CDH4: variants seen among roughly 807,000 people sequenced by gnomAD.
The protein encoded by CDH4 is cadherin-4.
CDH4 carries 33 observed loss-of-function variants against 86.0 expected under a neutral mutation model. The observed-to-expected ratio is 0.38, with a 90% CI of 0.29 to 0.51. The LOEUF is 0.51. Among genes scored for constraint, CDH4 ranks in the 20% least tolerant of loss-of-function variants. The pLI is 0.86. For synonymous variants in CDH4, 555 were observed against 549.4 expected, an observed-to-expected ratio of 1.01 and a Z score of -0.14; for missense variants, 1,114 against 1,307.4, an observed-to-expected ratio of 0.85 and a Z score of 2.28.
At chr20:61,648,840 C>G (rs2087092098) in intron 2 of CDH4, among the ~76,000 whole-genome samples, 1 of 152,152 alleles carries the variant, frequency 6.6e-6, no homozygotes, top group Admixed American at 6.5e-5. Flanking sequence ...GTGCTTAGAA[C>G]AGTGTCTGGC....
At chr20:61,880,899 G>A (rs1418652140) in intron 7 of CDH4, among the ~76,000 whole-genome samples, 1 of 152,240 alleles carries the variant, frequency 6.6e-6, no homozygotes, top group Non-Finnish European at 1.5e-5. Flanking sequence ...GTGAGTTAGA[G>A]TGAGGGCCCC....
chr20:61,581,616 C>T lies in CDH4; in HGVS notation c.170-161947C>T, dbSNP rs189868330. Among the ~76,000 whole-genome samples, 26 of 152,214 alleles carry T rather than the reference C, an allele frequency of 1.7e-4. No homozygotes were observed. The East Asian group carries it at 4.7e-3, about 27-fold the overall frequency. ...CGAAGTCACACCTCCTCCTCGGACCCGCCCTGCTTCCTCCCTCCTGTAAGG... is the reference window on the plus strand; with the variant it reads ...CGAAGTCACACCTCCTCCTCGGACCTGCCCTGCTTCCTCCCTCCTGTAAGG... On this transcript the variant is annotated intron_variant, in intron 2 of 15. Coordinates refer to ENST00000614565, the MANE Select transcript of CDH4 (RefSeq NM_001794.5).
chr20:61,796,677 T>G (rs1321035323), intron 4 of CDH4, among the ~76,000 whole-genome samples: 2 of 152,128 alleles, frequency 1.3e-5, no homozygotes, highest in Non-Finnish European at 2.9e-5. Flanking sequence ...GGGTCTCACA[T>G]GAAGGCTGAG....
chr20:61,363,664 C>T (rs2084796386), intron 2 of CDH4, among the ~76,000 whole-genome samples: 1 of 152,164 alleles, frequency 6.6e-6, no homozygotes, highest in Non-Finnish European at 1.5e-5. Context: ...ACAGTGCATT[C>T]ACACAGGCCA....
chr20:61,656,128 C>A (rs1027738629), intron 2 of CDH4, among the ~76,000 whole-genome samples: 1 of 152,184 alleles, frequency 6.6e-6, no homozygotes, highest in Non-Finnish European at 1.5e-5. Flanking sequence ...AGACGAACCA[C>A]CCACCGTGCT....
intron 2 of CDH4, among the ~76,000 whole-genome samples, chr20:61,594,925 CTTCATTCA>C (rs1034145979): frequency 8.2e-4 from 125 of 152,082 alleles, no homozygotes; most frequent in African/African-American, 2.9e-3. Context: ...TTTATTAGTT[CTTCATTCA>C]TTCATTCATT....
intron 2 of CDH4, among the ~76,000 whole-genome samples, chr20:61,395,730 A>G (rs1356922707): frequency 2.0e-5 from 3 of 152,234 alleles, no homozygotes; most frequent in Non-Finnish European, 2.9e-5. Context: ...CAGTGAGCCA[A>G]GATGGCGTCA....
intron 2 of CDH4, among the ~76,000 whole-genome samples, chr20:61,357,685 C>T (rs773335417): frequency 6.6e-6 from 1 of 151,952 alleles, no homozygotes; most frequent in Non-Finnish European, 1.5e-5. Context: ...AGAGCTTCAC[C>T]TCTTCCACAA....
intron 4 of CDH4, among the ~76,000 whole-genome samples, chr20:61,843,235 G>T (rs906451996): frequency 7.3e-5 from 11 of 151,496 alleles, no homozygotes; most frequent in Non-Finnish European, 1.3e-4. Context: ...TGAATCATGA[G>T]GTCAGGAGAT....
chr20:61,440,781 C>T (rs148357586), intron 2 of CDH4, among the ~76,000 whole-genome samples: 1 of 152,290 alleles, frequency 6.6e-6, no homozygotes, highest in African/African-American at 2.4e-5. Flanking sequence ...GCAGGTGTCC[C>T]GATGCCTCTG....
At chr20:61,514,986 G>A (rs1244590601) in intron 2 of CDH4, among the ~76,000 whole-genome samples, 2 of 152,188 alleles carry the variant, frequency 1.3e-5, no homozygotes, top group Non-Finnish European at 1.5e-5. Flanking sequence ...CGGGTGGCAC[G>A]GCTGGGCCTC....
chr20:61,787,139 CATCCATCCATCT>C (rs1978926915), intron 4 of CDH4, among the ~76,000 whole-genome samples: 1 of 152,144 alleles, frequency 6.6e-6, no homozygotes, highest in Non-Finnish European at 1.5e-5. Flanking sequence ...TCCGTCCATC[CATCCATCCATCT>C]ATCCCTCCAT....
At chr20:61,670,435 C>T (rs1213541990) in intron 2 of CDH4, among the ~76,000 whole-genome samples, 1 of 152,234 alleles carries the variant, frequency 6.6e-6, no homozygotes, top group Non-Finnish European at 1.5e-5. Flanking sequence ...GCCATGGCCT[C>T]TGTGCACTGG....
chr20:61,545,766 G>T (rs1273415656), intron 2 of CDH4, among the ~76,000 whole-genome samples: 1 of 151,188 alleles, frequency 6.6e-6, no homozygotes, highest in African/African-American at 2.4e-5. Context: ...GAGTGTGTGG[G>T]GGTGGGGTGT....
chr20:61,506,702 C>G (rs1372070625), intron 2 of CDH4, among the ~76,000 whole-genome samples: 1 of 152,172 alleles, frequency 6.6e-6, no homozygotes, highest in South Asian at 2.1e-4. Flanking sequence ...TGAGCCAACT[C>G]TAGCGTAGGG....
At chr20:61,308,114 G>T (rs181461883) in intron 2 of CDH4, among the ~76,000 whole-genome samples, 1 of 152,288 alleles carries the variant, frequency 6.6e-6, no homozygotes, top group East Asian at 1.9e-4. Flanking sequence ...AGTGTGTCAG[G>T]GCTGAACCTC....
At chr20:61,928,981 T>G (rs6121850) in intron 12 of CDH4, among the ~76,000 whole-genome samples, 76,064 of 151,972 alleles carry the variant, frequency 0.5, 20,105 homozygotes, top group East Asian at 0.85. Context: ...CAGTGGAAAT[T>G]TTTTATATAT....
chr20:61,590,882 G>GC (rs1041486506), intron 2 of CDH4, among the ~76,000 whole-genome samples: 3 of 152,084 alleles, frequency 2.0e-5, no homozygotes, highest in African/African-American at 7.3e-5. Flanking sequence ...TCTATGGGGG[G>GC]GGGGGTCCCC....
At chr20:61,633,526 C>T (rs1005905909) in intron 2 of CDH4, among the ~76,000 whole-genome samples, 9 of 152,190 alleles carry the variant, frequency 5.9e-5, no homozygotes, top group Non-Finnish European at 1.2e-4. Flanking sequence ...ATCTGTCCAT[C>T]TATCCATCAA....
Sources: gnomAD v4.1 joint callset for allele counts (sites outside exome capture counted in the v4.1 genomes callset) on GRCh38, gnomAD v4.1.1 for gene constraint, MANE v1.5 for transcripts, NCBI Gene and HGNC (gene_info 2026-07-23, HGNC 2026-07-21) for gene names.